The following RUFY1 variants were observed in gnomAD, a reference collection of about 807,000 sequenced individuals.
RUFY1 encodes the protein RUN and FYVE domain-containing protein 1.
RUFY1 carries 54 observed loss-of-function variants against 94.6 expected under a neutral mutation model. That is an observed-to-expected ratio of 0.57 (90% CI 0.46 to 0.72). RUFY1 has a LOEUF of 0.72. Ranked by LOEUF, RUFY1 falls within the 30% of genes least tolerant of loss-of-function variation. The probability of loss-of-function intolerance (pLI) is 0.00; values close to 1 mark genes in which losing one functional copy is unlikely to be tolerated. For missense variants in RUFY1, 883 were observed against 883.9 expected, an observed-to-expected ratio of 1.00 and a Z score of 0.01; for synonymous variants, 396 against 347.3, an observed-to-expected ratio of 1.14 and a Z score of -1.56.
chr5:179,550,586 G>A lies in RUFY1; in HGVS notation c.17G>A (p.Gly6Asp), dbSNP rs758516685. The A allele has an allele frequency of 4.8e-5, 56 of 1,159,856 alleles. 1 individual carries two copies. The highest frequency in any genetic ancestry group is 3.1e-4 in the Middle Eastern group (1 of 3,266). The allele number at this position is 1,159,856 out of a possible 1,614,324, so 71.8% of individuals were successfully genotyped here. A position where few individuals can be genotyped will look rare whatever the true frequency, so the allele number is the denominator to read the frequency against. MADREGGCAAGRGREL... is the reference protein window; with the variant it reads MADREDGCAAGRGREL... ...ACGGCCAAGATGGCCGACCGGGAAG[G>A]CGGCTGCGCTGCTGGGCGGGGGCGG... The change falls in exon 1 of 18, where the codon GGC becomes GAC. Residue 6 changes from glycine (G) to aspartate (D), a missense_variant. Gly to Asp is a moderately conservative substitution (Grantham distance 94). Coordinates refer to ENST00000319449, the MANE Select transcript of RUFY1 (RefSeq NM_025158.5).
chr5:179,589,792 C>G (rs1764891731), intron 9 of RUFY1, 145 bp downstream of exon 9: 1 of 683,106 alleles, frequency 1.5e-6, no homozygotes, highest in African/African-American at 1.8e-5. Flanking sequence ...CACTGCGGTC[C>G]CTGCCCACAT....
At chr5:179,603,302 T>C (rs1766647977) in intron 15 of RUFY1, among the ~76,000 whole-genome samples, 2 of 150,242 alleles carry the variant, frequency 1.3e-5, no homozygotes, top group African/African-American at 2.4e-5. Flanking sequence ...GGGAATCTGA[T>C]GTCTCTGGTG....
At chr5:179,596,736 G>C in intron 13 of RUFY1, 55 bp downstream of exon 13, 1 of 1,361,292 alleles carries the variant, frequency 7.3e-7, no homozygotes, top group South Asian at 1.4e-5. Flanking sequence ...GGACTGGGAA[G>C]AACTGGGGAC....
In RUFY1 at chr5:179,604,983, CA is replaced by C. The variant is rs199950744; in HGVS notation, c.1857-881del. The stretch of plus-strand genomic sequence containing the variant: ...TGGCCAATGCAGCAAGACTCCATCT[CA>C]AAAAAAAAAAAGAAAAAAAGAAAAA... On this transcript the variant is annotated intron_variant, in intron 15 of 17. Coordinates refer to ENST00000319449, the MANE Select transcript of RUFY1 (RefSeq NM_025158.5). Among the ~76,000 whole-genome samples the C allele has an allele frequency of 4.8e-3, 593 of 123,146 alleles. 2 individuals carry two copies. Among genetic ancestry groups the C allele is most frequent in the African/African-American group, 0.012 (399 of 32,406 alleles). 80.8% of individuals were successfully genotyped at this position (123,146 alleles called of 152,430 possible). A position where few individuals can be genotyped will look rare whatever the true frequency, so the allele number is the denominator to read the frequency against.
In RUFY1 at chr5:179,607,576, C is replaced by A; in HGVS notation, c.1906-6C>A. 6.2e-7 allele frequency: 1 copy of A among 1,614,114 alleles called. No individual in the cohort carries two copies. Among genetic ancestry groups the A allele is most frequent in the East Asian group, 2.2e-5 (1 of 44,890 alleles). On this transcript the variant is annotated splice_polypyrimidine_tract_variant and splice_region_variant and intron_variant, in intron 16 of 17. Coordinates refer to ENST00000319449, the MANE Select transcript of RUFY1 (RefSeq NM_025158.5). Reference sequence around the variant, plus strand: ...AGTGGATTCTAGAATGTCCTTTCCTCTTCAGGGCCACGCCTGGCTGAAAGA... The same window carrying A: ...AGTGGATTCTAGAATGTCCTTTCCTATTCAGGGCCACGCCTGGCTGAAAGA...
chr5:179,587,514 C>T (rs1373683486), intron 8 of RUFY1, among the ~76,000 whole-genome samples: 13 of 150,530 alleles, frequency 8.6e-5, no homozygotes, highest in African/African-American at 3.2e-4. Flanking sequence ...GCCTCAGCCT[C>T]CCGAGTAGCT....
intron 17 of RUFY1, among the ~76,000 whole-genome samples, chr5:179,607,909 A>G (rs1767278995): frequency 1.3e-5 from 2 of 152,264 alleles, no homozygotes; most frequent in African/African-American, 4.8e-5. Context: ...GTGATTGACA[A>G]TGATTTTTGG....
At position 179,550,838 on chromosome 5, in the gene RUFY1, G is replaced by C. The variant is rs1440341034; in HGVS notation, c.269G>C (p.Gly90Ala). 1.6e-6 allele frequency: 2 copies of C among 1,230,310 alleles called. No homozygotes were observed. The highest frequency in any genetic ancestry group is 2.0e-6 in the Non-Finnish European group (2 of 990,456). The allele number at this position is 1,230,310 out of a possible 1,614,324, so 76.2% of individuals were successfully genotyped here. A position where few individuals can be genotyped will look rare whatever the true frequency, so the allele number is the denominator to read the frequency against. The change falls in exon 1 of 18, where the codon GGG becomes GCG. Residue 90 changes from glycine to alanine, a missense_variant. By Grantham distance (60) the Gly-to-Ala change is moderately conservative (BLOSUM62 0). Transcript: ENST00000319449. ...SCGSALRAAA[G>A]LGGGDSGDGT... Reference sequence around the variant, plus strand: ...GGGAGCGCGCTGCGCGCGGCCGCGGGGCTGGGCGGCGGGGACAGCGGGGAC... The same window carrying C: ...GGGAGCGCGCTGCGCGCGGCCGCGGCGCTGGGCGGCGGGGACAGCGGGGAC...
chr5:179,591,200 G>C (rs1201860169), intron 9 of RUFY1, among the ~76,000 whole-genome samples: 2 of 148,832 alleles, frequency 1.3e-5, no homozygotes, highest in Middle Eastern at 3.6e-3. Context: ...TTTTTTTGGT[G>C]GGGGGATGGA....
At chr5:179,584,693 T>C (rs926524844) in intron 7 of RUFY1, among the ~76,000 whole-genome samples, 5 of 151,952 alleles carry the variant, frequency 3.3e-5, no homozygotes, top group African/African-American at 1.2e-4. Flanking sequence ...GCCTTGGAGG[T>C]TGAGGCTACA....
rs1465928057 is a variant in RUFY1 at position 179,601,900 on chromosome 5, G to C, written c.1770G>C (p.Arg590=). The change falls in exon 15 of 18, where the codon CGG becomes CGC. Residue 590 remains arginine (R), a synonymous_variant. Coordinates refer to ENST00000319449, the MANE Select transcript of RUFY1 (RefSeq NM_025158.5). ...TGGTTTGTTCATTTTAGGAGTTGCGGGAGCTTCAGGACGAGAAGGCAGAGC... is the reference window on the plus strand; with the variant it reads ...TGGTTTGTTCATTTTAGGAGTTGCGCGAGCTTCAGGACGAGAAGGCAGAGC... ...QQVEGLKKEL[R]ELQDEKAELQ... 6.2e-7 allele frequency: 1 copy of C among 1,613,534 alleles called. No homozygotes were observed. The highest frequency in any genetic ancestry group is 8.5e-7 in the Non-Finnish European group (1 of 1,179,606).
chr5:179,560,164 A>G lies in RUFY1; in HGVS notation c.450A>G (p.Val150=), dbSNP rs1392427729. ...ATGCCCCCTTGCAGCAGTTCTTTGTAGTGATGGAGCACTGCCTCAAACATG... is the reference window on the plus strand; with the variant it reads ...ATGCCCCCTTGCAGCAGTTCTTTGTGGTGATGGAGCACTGCCTCAAACATG... The part of the protein sequence containing the change: ...ADHAPLQQFF[V]VMEHCLKHGL... Residue 150 remains valine (V), a synonymous_variant, in exon 2 of 18, where the codon GTA becomes GTG. Coordinates refer to ENST00000319449, the MANE Select transcript of RUFY1 (RefSeq NM_025158.5). 39 of 1,613,870 alleles carry G rather than the reference A, an allele frequency of 2.4e-5. No individual in the cohort carries two copies. Among genetic ancestry groups the G allele is most frequent in the Non-Finnish European group, 3.1e-5 (36 of 1,179,964 alleles).
intron 17 of RUFY1, 69 bp from the exon 18 acceptor site, chr5:179,609,307 G>T: frequency 6.5e-7 from 1 of 1,531,966 alleles, no homozygotes. Context: ...TTCTGGGTCA[G>T]GAAGCAGGGA....
rs1251955993 is a variant in RUFY1 at position 179,594,886 on chromosome 5, G to A, written c.1434G>A (p.Gln478=). Residue 478 remains glutamine (Q), a synonymous_variant, in exon 12 of 18, where the codon CAG becomes CAA. Coordinates refer to ENST00000319449, the MANE Select transcript of RUFY1 (RefSeq NM_025158.5). ...HKAQNAESSL[Q]QKNEAITSFE... The stretch of plus-strand genomic sequence containing the variant: ...TGTAGAATGCAGAGAGCAGTTTGCA[G>A]CAGAAGAATGAAGCCATCACATCCT... 2 of 1,612,746 alleles carry A rather than the reference G, an allele frequency of 1.2e-6. No homozygotes were observed. The highest frequency in any genetic ancestry group is 1.7e-6 in the Non-Finnish European group (2 of 1,179,248).
intron 15 of RUFY1, among the ~76,000 whole-genome samples, chr5:179,605,606 CAA>C (rs1427411347): frequency 6.6e-6 from 1 of 152,114 alleles, no homozygotes; most frequent in Admixed American, 6.5e-5. Context: ...CAGCCTCCCT[CAA>C]AGTCTTTTTG....
chr5:179,583,411 AAT>A (rs10541437), intron 7 of RUFY1, among the ~76,000 whole-genome samples: 64,239 of 143,822 alleles, frequency 0.45, 14,500 homozygotes, highest in Non-Finnish European at 0.49. Flanking sequence ...TTCTCATATA[AAT>A]ATATATATAT....
At chr5:179,598,297 A>G (rs1187350694) in intron 13 of RUFY1, 2 of 181,630 alleles carry the variant, frequency 1.1e-5, no homozygotes, top group Non-Finnish European at 2.3e-5. Flanking sequence ...CAGGAGGTCG[A>G]GGCTGCAGTG....
At chr5:179,569,480 A>G (rs1763064177) in intron 5 of RUFY1, 55 bp downstream of exon 5, 2 of 1,579,444 alleles carry the variant, frequency 1.3e-6, no homozygotes, top group Non-Finnish European at 8.7e-7. Context: ...GGGACTTTAC[A>G]TAGGATCTGC....
chr5:179,572,211 C>T, intron 5 of RUFY1: 1 of 304,234 alleles, frequency 3.3e-6, no homozygotes, highest in Non-Finnish European at 6.7e-6. Flanking sequence ...AAGGCCATTG[C>T]CCTGGTGGAT....
Sources: allele counts gnomAD v4.1 joint callset (sites outside exome capture counted in the v4.1 genomes callset), GRCh38; gene constraint gnomAD v4.1.1; transcripts MANE v1.5; gene names NCBI Gene and HGNC (gene_info 2026-07-23, HGNC 2026-07-21).